Variants in UNC13C observed in about 807,000 individuals in gnomAD.
UNC13C encodes the protein protein unc-13 homolog C.
Under a neutral mutation model 245.4 loss-of-function variants are expected in UNC13C, and 174 were observed. That is an observed-to-expected ratio of 0.71 (90% CI 0.63 to 0.80). The LOEUF is 0.80. UNC13C is among the 30% of genes least tolerant of loss of function. The pLI, the probability that UNC13C is intolerant of heterozygous loss-of-function variation, is 0.00. For synonymous variants in UNC13C, 992 were observed against 895.1 expected (o/e 1.11, Z -1.93); for missense variants, 2,829 against 2,602.9 (o/e 1.09, Z -1.89).
the UNC13C span, among the ~76,000 whole-genome samples, chr15:53,882,816 T>C: frequency 1.2e-4 from 19 of 152,126 alleles, no homozygotes; most frequent in Admixed American, 4.6e-4. Flanking sequence ...AGTGTTCTTC[T>C]CCACTGAGGA....
At chr15:54,523,597 A>G (rs1213197292) in intron 24 of UNC13C, among the ~76,000 whole-genome samples, 1 of 152,240 alleles carries the variant, frequency 6.6e-6, no homozygotes, top group Non-Finnish European at 1.5e-5. Context: ...ATAAGAAAAT[A>G]GCATAATTTT....
At position 54,189,916 on chromosome 15, in the gene UNC13C, G is replaced by C. The variant is rs749262617; in HGVS notation, c.3072-45114G>C. Among the ~76,000 whole-genome samples, 3 of 151,892 alleles carry C rather than the reference G, an allele frequency of 2.0e-5. No homozygotes were observed. In the South Asian group the frequency reaches 6.2e-4, roughly 32 times the overall value. ...ACTGTAAAAAAATAGAAGTGATTTA[G>C]GTAATTCAGGAAAAAACTTAGAAAC... On this transcript the variant is annotated intron_variant, in intron 4 of 32. Transcript: ENST00000260323.
In UNC13C at chr15:54,494,649, A is replaced by T. The variant is rs201106528; in HGVS notation, c.4975A>T (p.Asn1659Tyr). 2 of 1,610,904 alleles carry T rather than the reference A, an allele frequency of 1.2e-6. No individual in the cohort carries two copies. Among genetic ancestry groups the T allele is most frequent in the African/African-American group, 1.3e-5 (1 of 74,942 alleles). ...GTTATGCAAGAGCACCGATTATATG[A>T]ATTTGCATTTCAAAGTTAAATGGTT... ...QRLCKSTDYM[N>Y]LHFKVKWFYN... is the part of the protein sequence containing the mutation. The change falls in exon 20 of 33, where the codon AAT becomes TAT. Residue 1659 changes from asparagine (N) to tyrosine (Y), a missense_variant. Asn to Tyr is a moderately radical substitution (Grantham distance 143). Coordinates refer to ENST00000260323, the MANE Select transcript of UNC13C (RefSeq NM_001080534.3).
At chr15:54,255,495 T>A (rs1438323763) in intron 8 of UNC13C, among the ~76,000 whole-genome samples, 5 of 152,156 alleles carry the variant, frequency 3.3e-5, no homozygotes, top group Admixed American at 3.3e-4. Flanking sequence ...CATGCTCCCA[T>A]TGGTGTCCTC....
At chr15:54,193,777 C>T (rs947581370) in intron 4 of UNC13C, among the ~76,000 whole-genome samples, 2 of 152,286 alleles carry the variant, frequency 1.3e-5, no homozygotes, top group African/African-American at 4.8e-5. Flanking sequence ...ACAAAGATTT[C>T]CCTGTTACCT....
At chr15:54,216,271 T>A (rs1297826108) in intron 4 of UNC13C, among the ~76,000 whole-genome samples, 2 of 151,988 alleles carry the variant, frequency 1.3e-5, no homozygotes, top group East Asian at 1.9e-4. Flanking sequence ...ATTTTCCACA[T>A]CCTTAAAATA....
At chr15:53,999,289 T>C (rs1894777536) in intron 1 of UNC13C, among the ~76,000 whole-genome samples, 1 of 151,778 alleles carries the variant, frequency 6.6e-6, no homozygotes, top group African/African-American at 2.4e-5. Flanking sequence ...ATAAATCTAT[T>C]CTCTCATACA....
intron 2 of UNC13C, among the ~76,000 whole-genome samples, chr15:54,093,438 G>T (rs1195368776): frequency 3.9e-5 from 6 of 152,202 alleles, no homozygotes; most frequent in African/African-American, 1.4e-4. Flanking sequence ...TTATGTAAAT[G>T]TATAATTTGA....
At chr15:54,597,095 C>T (rs1899130399) in intron 30 of UNC13C, among the ~76,000 whole-genome samples, 1 of 152,270 alleles carries the variant, frequency 6.6e-6, no homozygotes, top group South Asian at 2.1e-4. Flanking sequence ...ATAAGGAGTG[C>T]ACAACCCAGA....
intron 1 of UNC13C, among the ~76,000 whole-genome samples, chr15:53,992,052 T>C (rs1015690952): frequency 6.6e-6 from 1 of 152,112 alleles, no homozygotes; most frequent in Non-Finnish European, 1.5e-5. Flanking sequence ...TTTTCCATAC[T>C]ATTTCTTAGT....
At chr15:53,906,027 G>T in the UNC13C span, among the ~76,000 whole-genome samples, 3 of 152,192 alleles carry the variant, frequency 2.0e-5, no homozygotes, top group Admixed American at 6.5e-5. Flanking sequence ...GGAACCCTGG[G>T]AGTCCATTAA....
intron 4 of UNC13C, among the ~76,000 whole-genome samples, chr15:54,176,032 C>T (rs901255621): frequency 2.0e-5 from 3 of 152,194 alleles, no homozygotes; most frequent in Admixed American, 6.5e-5. Context: ...CCTCATCTCT[C>T]ACACTTAGTG....
At chr15:53,903,523 A>T in the UNC13C span, among the ~76,000 whole-genome samples, 1 of 152,234 alleles carries the variant, frequency 6.6e-6, no homozygotes, top group East Asian at 1.9e-4. Context: ...GTGGAACTGG[A>T]TGGCCACAAG....
At chr15:53,838,337 C>A in the UNC13C span, among the ~76,000 whole-genome samples, 1 of 152,046 alleles carries the variant, frequency 6.6e-6, no homozygotes, top group African/African-American at 2.4e-5. Flanking sequence ...AGAAGGCTTA[C>A]TTGAACCAGA....
In UNC13C at chr15:54,014,693, T is replaced by C. The variant is rs749053812; in HGVS notation, c.1790T>C (p.Leu597Pro). The change falls in exon 2 of 33, where the codon CTG becomes CCG. Residue 597 changes from leucine (L) to proline (P), a missense_variant. Transcript: ENST00000260323. ...WQRKQEGTATLYDSPKDQHLN... is the reference protein window; with the variant it reads ...WQRKQEGTATPYDSPKDQHLN... ...AGGAAACAGGAAGGAACAGCGACCC[T>C]GTATGACAGTCCCAAGGACCAGCAT... 1 of 1,613,776 alleles carries C rather than the reference T, an allele frequency of 6.2e-7. No homozygotes were observed. The highest frequency in any genetic ancestry group is 8.5e-7 in the Non-Finnish European group (1 of 1,179,836).
In UNC13C at chr15:54,205,991, G is replaced by A. The variant is rs1455123091; in HGVS notation, c.3072-29039G>A. On this transcript the variant is annotated intron_variant, in intron 4 of 32. Transcript: ENST00000260323. Reference sequence around the variant, plus strand: ...TGAACTAATAAGTTGTTACTTTGAAGAGATTAGGGTATAATTTAGTTTTAA... The same window carrying A: ...TGAACTAATAAGTTGTTACTTTGAAAAGATTAGGGTATAATTTAGTTTTAA... Among the ~76,000 whole-genome samples, 3 of 151,988 alleles carry A rather than the reference G, an allele frequency of 2.0e-5. No homozygotes were observed. The East Asian group carries it at 5.8e-4, about 29-fold the overall frequency.
At chr15:54,530,542 C>T (rs892490993) in intron 25 of UNC13C, among the ~76,000 whole-genome samples, 9 of 151,870 alleles carry the variant, frequency 5.9e-5, no homozygotes, top group African/African-American at 1.5e-4. Flanking sequence ...TTATGCAGTG[C>T]GTCATATAAT....
At chr15:54,464,176 C>T (rs534660001) in intron 19 of UNC13C, among the ~76,000 whole-genome samples, 2 of 152,170 alleles carry the variant, frequency 1.3e-5, no homozygotes, top group East Asian at 1.9e-4. Context: ...TACTAATATC[C>T]TAGGTGAAAA....
intron 14 of UNC13C, among the ~76,000 whole-genome samples, chr15:54,331,717 T>C (rs1364973329): frequency 3.3e-5 from 5 of 152,138 alleles, no homozygotes; most frequent in Non-Finnish European, 7.4e-5. Flanking sequence ...TGTGAATTAT[T>C]ACACATAGAG....
Sources: allele counts gnomAD v4.1 joint callset (sites outside exome capture counted in the v4.1 genomes callset), GRCh38; gene constraint gnomAD v4.1.1; transcripts MANE v1.5; gene names NCBI Gene and HGNC (gene_info 2026-07-23, HGNC 2026-07-21).